The following DGAT2 variants were observed in gnomAD, a reference collection of about 807,000 sequenced individuals.
DGAT2 encodes the protein acyl-CoA retinol O-fatty-acyltransferase.
Under a neutral mutation model 48.4 loss-of-function variants are expected in DGAT2, and 33 were observed. The ratio of observed to expected loss-of-function variants is 0.68; its 90% CI spans 0.52 to 0.91. The LOEUF is 0.91. Among genes scored for constraint, DGAT2 ranks in the 40% least tolerant of loss-of-function variants. The pLI is 0.00. For synonymous variants in DGAT2, 191 were observed against 194.1 expected (o/e 0.98, Z 0.13); for missense variants, 446 against 493.7 (o/e 0.90, Z 0.92).
chr11:75,777,783 G>C (rs1944816739), intron 1 of DGAT2, among the ~76,000 whole-genome samples: 2 of 152,218 alleles, frequency 1.3e-5, no homozygotes, highest in Non-Finnish European at 2.9e-5. Flanking sequence ...CTGTCTACCA[G>C]TGCTTCGCCA....
chr11:75,795,258 G>A (rs1395636038), intron 4 of DGAT2: 1 of 152,014 alleles, frequency 6.6e-6, no homozygotes, highest in Non-Finnish European at 1.5e-5. Flanking sequence ...CTCCTGAGCT[G>A]AAGCAATCCT....
chr11:75,779,752 T>C (rs960049320), intron 1 of DGAT2, among the ~76,000 whole-genome samples: 14 of 152,324 alleles, frequency 9.2e-5, no homozygotes, highest in African/African-American at 3.1e-4. Flanking sequence ...CAGAGACATC[T>C]GTAGGTAGCA....
chr11:75,793,938 G>A (rs895038963), intron 4 of DGAT2: 7 of 152,194 alleles, frequency 4.6e-5, no homozygotes, highest in African/African-American at 1.7e-4. Context: ...TCATGTAAAC[G>A]AGATTTTGAG....
intron 5 of DGAT2, chr11:75,796,847 G>A (rs1945061965): frequency 4.3e-6 from 2 of 468,690 alleles, no homozygotes; most frequent in Non-Finnish European, 7.6e-6. Context: ...ACCTGCCTGA[G>A]ACCTCCCACC....
In DGAT2 at chr11:75,768,836, C is replaced by A; in HGVS notation, c.-156C>A. 1 of 1,000,594 alleles carries A rather than the reference C, an allele frequency of 1.0e-6. No homozygotes were observed. The highest frequency in any genetic ancestry group is 4.3e-5 in the Admixed American group (1 of 23,480). 62.0% of individuals were successfully genotyped at this position (1,000,594 alleles called of 1,614,324 possible). Reference sequence around the variant, plus strand: ...GTTTCTCTCGCGCCACCACTGGCCGCCGGCCGCAGCTCCAGGTGTCCTAGC... The same window carrying A: ...GTTTCTCTCGCGCCACCACTGGCCGACGGCCGCAGCTCCAGGTGTCCTAGC... On this transcript the variant is annotated 5_prime_UTR_variant, in exon 1 of 8. Transcript: ENST00000228027.
At chr11:75,784,415 C>T (rs1041845828) in intron 1 of DGAT2, 3 of 559,154 alleles carry the variant, frequency 5.4e-6, no homozygotes, top group South Asian at 2.7e-5. Context: ...CTATAGAAAC[C>T]AGGGCACAGG....
rs1485295974 is a variant in DGAT2 at position 75,768,984 on chromosome 11, C to T, written c.-8C>T. On this transcript the variant is annotated 5_prime_UTR_variant, in exon 1 of 8. Transcript: ENST00000228027. ...TCCCGCGGGGCCGTGACTGGGCGGG[C>T]TTCAGCCATGAAGACCCTCATAGCC... The T allele has an allele frequency of 6.6e-7, 1 of 1,524,594 alleles. No homozygotes were observed. The allele number at this position is 1,524,594 out of a possible 1,614,324, so 94.4% of individuals were successfully genotyped here. A position where few individuals can be genotyped will look rare whatever the true frequency, so the allele number is the denominator to read the frequency against.
At chr11:75,778,127 A>G (rs907761863) in intron 1 of DGAT2, among the ~76,000 whole-genome samples, 5 of 151,698 alleles carry the variant, frequency 3.3e-5, no homozygotes, top group Admixed American at 6.6e-5. Flanking sequence ...CACCTCACCC[A>G]GGAAGCCACC....
intron 4 of DGAT2, chr11:75,793,229 C>T (rs1945010692): frequency 6.6e-6 from 1 of 152,250 alleles, no homozygotes; most frequent in African/African-American, 2.4e-5. Context: ...CGGTATCCTT[C>T]CCCTCCTTCC....
intron 1 of DGAT2, among the ~76,000 whole-genome samples, chr11:75,771,978 T>A (rs1419699492): frequency 6.6e-6 from 1 of 151,852 alleles, no homozygotes; most frequent in African/African-American, 2.4e-5. Flanking sequence ...ATCACTGGAG[T>A]CTCCAGAAAG....
At chr11:75,800,280 C>T (rs1044281002) in intron 7 of DGAT2, 74 bp from the exon 8 acceptor site, 3 of 1,547,626 alleles carry the variant, frequency 1.9e-6, no homozygotes, top group Non-Finnish European at 2.6e-6. Flanking sequence ...CCCAGCGTCA[C>T]CACCTTCAGC....
At chr11:75,790,039 T>C (rs1944967627) in intron 2 of DGAT2, 149 bp from the exon 3 acceptor site, 3 of 662,592 alleles carry the variant, frequency 4.5e-6, no homozygotes, top group Non-Finnish European at 8.1e-6. Context: ...TGAACATTCC[T>C]GTAGCTATTT....
chr11:75,790,216 C>G lies in DGAT2; in HGVS notation c.279C>G (p.Tyr93Ter). 1 of 1,614,152 alleles carries G rather than the reference C, an allele frequency of 6.2e-7. No homozygotes were observed. Among genetic ancestry groups the G allele is most frequent in the Middle Eastern group, 1.7e-4 (1 of 6,038 alleles). Residue 93 changes from tyrosine to a stop codon, truncating the protein, a stop_gained, in exon 3 of 8, where the codon TAC (tyrosine) becomes TAG (stop). Transcript: ENST00000228027. LOFTEE classifies it high-confidence loss of function. The part of the protein sequence containing the change: ...LGVACSAILM[Y>*]IFCTDCWLIA... ...TGGCCTGCAGTGCCATCCTCATGTA[C>G]ATATTCTGCACTGATTGCTGGCTCA...
chr11:75,794,777 G>C (rs1945029539), intron 4 of DGAT2: 1 of 152,170 alleles, frequency 6.6e-6, no homozygotes, highest in African/African-American at 2.4e-5. Flanking sequence ...TTTTGAAAAA[G>C]AGCATGTATA....
intron 1 of DGAT2, among the ~76,000 whole-genome samples, chr11:75,770,125 A>G (rs1030075176): frequency 6.6e-6 from 1 of 152,232 alleles, no homozygotes; most frequent in Admixed American, 6.5e-5. Flanking sequence ...TTCTTTATAC[A>G]CATTGCATAG....
intron 1 of DGAT2, among the ~76,000 whole-genome samples, 189 bp downstream of exon 1, chr11:75,769,301 G>C (rs1944732912): frequency 6.6e-6 from 1 of 152,050 alleles, no homozygotes; most frequent in African/African-American, 2.4e-5. Context: ...AGGTGGGAGC[G>C]GTACCACCCA....
intron 1 of DGAT2, among the ~76,000 whole-genome samples, chr11:75,773,357 C>T (rs377039459): frequency 1.3e-5 from 2 of 152,188 alleles, no homozygotes; most frequent in African/African-American, 4.8e-5. Context: ...CAATGGTCAC[C>T]CTTACTGCTT....
intron 4 of DGAT2, chr11:75,794,015 G>A (rs775346123): frequency 6.6e-6 from 1 of 152,244 alleles, no homozygotes. Flanking sequence ...TTTATTTGGG[G>A]AGTAGCTGAG....
At chr11:75,784,512 C>G in intron 1 of DGAT2, 106 bp from the exon 2 acceptor site, 2 of 1,468,278 alleles carry the variant, frequency 1.4e-6, no homozygotes, top group Non-Finnish European at 1.9e-6. Context: ...ATAGCTGATG[C>G]TCTTCTCATA....
Sources: allele counts gnomAD v4.1 joint callset (sites outside exome capture counted in the v4.1 genomes callset), GRCh38; gene constraint gnomAD v4.1.1; transcripts MANE v1.5; gene names NCBI Gene and HGNC (gene_info 2026-07-23, HGNC 2026-07-21).